IL15: variants seen among roughly 807,000 people sequenced by gnomAD.
The protein encoded by IL15 is interleukin-15.
In IL15, 11 loss-of-function variants were observed where a neutral mutation model predicts 19.6. That is an observed-to-expected ratio of 0.56 (90% confidence interval 0.35 to 0.93). The LOEUF (loss-of-function observed/expected upper bound fraction) is 0.93. Ranked by LOEUF, IL15 falls within the 40% of genes least tolerant of loss-of-function variation. The pLI is 0.01. For synonymous variants in IL15, 58 were observed against 59.6 expected (o/e 0.97, Z 0.12); for missense variants, 197 against 186.5 (o/e 1.06, Z -0.33).
At chr4:141,724,478 A>G (rs1398893769) in intron 5 of IL15, among the ~76,000 whole-genome samples, 1 of 152,048 alleles carries the variant, frequency 6.6e-6, no homozygotes, top group Non-Finnish European at 1.5e-5. Context: ...TAAGAGCCAA[A>G]ATTAATGAAG....
intron 2 of IL15, among the ~76,000 whole-genome samples, chr4:141,684,879 T>G (rs1169388276): frequency 1.3e-5 from 2 of 152,202 alleles, no homozygotes; most frequent in Non-Finnish European, 2.9e-5. Context: ...CATAACCAAG[T>G]AGTATACTGA....
chr4:141,668,836 A>T (rs1206140224), intron 2 of IL15, among the ~76,000 whole-genome samples: 1 of 152,194 alleles, frequency 6.6e-6, no homozygotes, highest in African/African-American at 2.4e-5. Flanking sequence ...GGAAAGCTAG[A>T]CAATAGGGAT....
At position 141,733,848 on chromosome 4, in the gene IL15, GT is replaced by G. The variant is rs1286124052; in HGVS notation, c.*1002del. The G allele has an allele frequency of 1.8e-4, 28 of 152,204 alleles. No homozygotes were observed. Among genetic ancestry groups the G allele is most frequent in the Admixed American group, 1.7e-3 (26 of 15,288 alleles). 9.4% of individuals were successfully genotyped at this position (152,204 alleles called of 1,614,324 possible). ...TAATAAAGAAAAACCCTGTTGATTT[GT>G]TGGAGCCATTGTTATCTGACAGAAA... On this transcript the variant is annotated 3_prime_UTR_variant, in exon 8 of 8. Transcript: ENST00000320650.
At chr4:141,709,584 G>A (rs1729645680) in intron 2 of IL15, among the ~76,000 whole-genome samples, 1 of 151,996 alleles carries the variant, frequency 6.6e-6, no homozygotes, top group South Asian at 2.1e-4. Flanking sequence ...TTGAGAGCTA[G>A]TTTACTGGCA....
chr4:141,716,967 T>C (rs1729906542), intron 2 of IL15: 1 of 152,228 alleles, frequency 6.6e-6, no homozygotes. Context: ...ATGTCTCTTC[T>C]ATACCTTCGC....
intron 2 of IL15, among the ~76,000 whole-genome samples, chr4:141,712,203 T>A (rs1365613903): frequency 6.6e-6 from 1 of 152,172 alleles, no homozygotes; most frequent in Non-Finnish European, 1.5e-5. Context: ...AATTTCCAAC[T>A]TTTTCTTCTT....
chr4:141,708,387 G>A (rs1319227585), intron 2 of IL15, among the ~76,000 whole-genome samples: 1 of 152,104 alleles, frequency 6.6e-6, no homozygotes, highest in East Asian at 1.9e-4. Context: ...CCTACTAGTG[G>A]GTCTGGTTTT....
At chr4:141,729,794 T>C in intron 6 of IL15, 53 bp from the exon 7 acceptor site, 2 of 1,007,528 alleles carry the variant, frequency 2.0e-6, no homozygotes, top group Non-Finnish European at 3.1e-6. Context: ...TACATCAGTA[T>C]GAAAATTAAT....
In IL15 at chr4:141,732,835, T is replaced by C. The variant is rs1411986779; in HGVS notation, c.476T>C (p.Ile159Thr). The C allele has an allele frequency of 1.2e-6, 2 of 1,609,200 alleles. No individual in the cohort carries two copies. Among genetic ancestry groups the C allele is most frequent in the Non-Finnish European group, 1.7e-6 (2 of 1,178,762 alleles). The change falls in exon 8 of 8, where the codon ATC (isoleucine) becomes ACC (threonine). Residue 159 changes from isoleucine to threonine, a missense_variant. By Grantham distance (89) the Ile-to-Thr change is moderately conservative (BLOSUM62 -1). Coordinates refer to ENST00000320650, the MANE Select transcript of IL15 (RefSeq NM_000585.5). ...TTTGTACATATTGTCCAAATGTTCA[T>C]CAACACTTCTTGATTGCAATTGATT... is the stretch of plus-strand genomic sequence containing the variant. The part of the protein sequence containing the change: ...QSFVHIVQMF[I>T]NTS
At chr4:141,709,350 C>A (rs1478833071) in intron 2 of IL15, among the ~76,000 whole-genome samples, 2 of 152,074 alleles carry the variant, frequency 1.3e-5, no homozygotes. Context: ...TCTGTTTAAT[C>A]AAATGTACAT....
At chr4:141,648,719 A>G (rs1389710894) in intron 1 of IL15, among the ~76,000 whole-genome samples, 1 of 152,066 alleles carries the variant, frequency 6.6e-6, no homozygotes, top group East Asian at 1.9e-4. Flanking sequence ...AAAACTGGAA[A>G]GATGTGATTA....
At chr4:141,732,604 G>A (rs1004435834) in intron 7 of IL15, 134 bp from the exon 8 acceptor site, 1 of 1,143,466 alleles carries the variant, frequency 8.7e-7, no homozygotes, top group Admixed American at 3.1e-5. Flanking sequence ...TTCCTAATAT[G>A]CTATTTATTT....
At chr4:141,674,554 C>G (rs1279856570) in intron 2 of IL15, among the ~76,000 whole-genome samples, 2 of 150,802 alleles carry the variant, frequency 1.3e-5, no homozygotes, top group Non-Finnish European at 2.9e-5. Flanking sequence ...CCACTGCACT[C>G]CAGCCTGAGT....
rs549031655 is a variant in IL15 at position 141,645,352 on chromosome 4, A to G, written c.-222+8604A>G. Among the ~76,000 whole-genome samples the G allele has an allele frequency of 2.2e-4, 33 of 152,264 alleles. 1 individual carries two copies. Among genetic ancestry groups the G allele is most frequent in the South Asian group, 4.1e-4 (2 of 4,824 alleles). ...GTTCTTAATGAAGGGCCTCCATGCCACACACCTGATTTGATCTCCAACCTG... is the reference window on the plus strand; with the variant it reads ...GTTCTTAATGAAGGGCCTCCATGCCGCACACCTGATTTGATCTCCAACCTG... On this transcript the variant is annotated intron_variant, in intron 1 of 7. Coordinates refer to ENST00000320650, the MANE Select transcript of IL15 (RefSeq NM_000585.5).
rs112446661 is a variant in IL15 at position 141,666,660 on chromosome 4, CT to C, written c.-100+10363del. ...CACCTGGCCCTTCTGCTTCCCCCCA[CT>C]TTTTTTTTTAACTTTCTCCTTTTTC... On this transcript the variant is annotated intron_variant, in intron 2 of 7. Coordinates refer to ENST00000320650, the MANE Select transcript of IL15 (RefSeq NM_000585.5). Among the ~76,000 whole-genome samples the C allele has an allele frequency of 3.2e-3, 483 of 149,010 alleles. 8 individuals are homozygous for C. The highest frequency in any genetic ancestry group is 0.011 in the African/African-American group (444 of 40,706).
intron 1 of IL15, among the ~76,000 whole-genome samples, chr4:141,643,111 C>A (rs1246389762): frequency 6.6e-6 from 1 of 152,114 alleles, no homozygotes; most frequent in Non-Finnish European, 1.5e-5. Context: ...GATAAGGAAA[C>A]CAGCTAGAAA....
At chr4:141,641,640 A>G (rs1276109148) in intron 1 of IL15, among the ~76,000 whole-genome samples, 1 of 142,412 alleles carries the variant, frequency 7.0e-6, no homozygotes, top group African/African-American at 2.6e-5. Context: ...GAATTGAACA[A>G]TGAGAACACC....
At position 141,733,156 on chromosome 4, in the gene IL15, T is replaced by C; in HGVS notation, c.*308T>C. On this transcript the variant is annotated 3_prime_UTR_variant, in exon 8 of 8. Transcript: ENST00000320650. Reference sequence around the variant, plus strand: ...ATATGTACAAGTGTTGTTTTTTAAGTTGCACTGATATTTTACCTCTTATTG... The same window carrying C: ...ATATGTACAAGTGTTGTTTTTTAAGCTGCACTGATATTTTACCTCTTATTG... 4.4e-6 allele frequency: 1 copy of C among 227,772 alleles called. No individual in the cohort carries two copies. Among genetic ancestry groups the C allele is most frequent in the South Asian group, 7.9e-5 (1 of 12,588 alleles). The allele number at this position is 227,772 out of a possible 1,614,324, so 14.1% of individuals were successfully genotyped here. A position where few individuals can be genotyped will look rare whatever the true frequency, so the allele number is the denominator to read the frequency against.
At chr4:141,667,210 A>G (rs947483427) in intron 2 of IL15, among the ~76,000 whole-genome samples, 4 of 152,188 alleles carry the variant, frequency 2.6e-5, no homozygotes, top group Admixed American at 2.6e-4. Flanking sequence ...TTGTAAATGT[A>G]TTTCTCTGAA....
Sources: allele counts gnomAD v4.1 joint callset (sites outside exome capture counted in the v4.1 genomes callset), GRCh38; gene constraint gnomAD v4.1.1; transcripts MANE v1.5; gene names NCBI Gene and HGNC (gene_info 2026-07-23, HGNC 2026-07-21).